Variants in COBL observed in about 807,000 individuals in gnomAD.
The protein encoded by COBL is cordon-bleu WH2 repeat protein.
In COBL, 51 loss-of-function variants were observed where a neutral mutation model predicts 98.8. The observed-to-expected ratio is 0.52, with a 90% CI of 0.41 to 0.65. COBL has a LOEUF of 0.65. Ranked by LOEUF, COBL falls within the 30% of genes least tolerant of loss-of-function variation. COBL has a pLI of 0.00. For missense variants in COBL, 1,617 were observed against 1,617.5 expected (o/e 1.00, Z 0.01); for synonymous variants, 634 against 651.7 (o/e 0.97, Z 0.41).
rs1223619437 is a variant in COBL at position 51,027,760 on chromosome 7, G to C, written c.3336C>G (p.Ala1112=). Residue 1112 remains alanine, a synonymous_variant, in exon 10 of 13, where the codon GCC becomes GCG. Transcript: ENST00000265136. Reference sequence around the variant, plus strand: ...CCGCAGAGTGGATGGCTTCCATCAGGGCAGAGTGCAGGGATGTGTCTTTTG... The same window carrying C: ...CCGCAGAGTGGATGGCTTCCATCAGCGCAGAGTGCAGGGATGTGTCTTTTG... The part of the protein sequence containing the change: ...PVPKDTSLHS[A]LMEAIHSAGG... 1 of 1,614,156 alleles carries C rather than the reference G, an allele frequency of 6.2e-7. No individual in the cohort carries two copies. The highest frequency in any genetic ancestry group is 1.3e-5 in the African/African-American group (1 of 75,046).
intron 1 of COBL, among the ~76,000 whole-genome samples, chr7:51,255,163 TAA>T (rs1470293219): frequency 2.0e-5 from 3 of 152,226 alleles, no homozygotes; most frequent in African/African-American, 7.2e-5. Context: ...CCCTTGCGTA[TAA>T]ACAAACATTT....
chr7:51,315,410 A>C lies in COBL; in HGVS notation c.41+1183T>G, dbSNP rs551825279. Among the ~76,000 whole-genome samples, 3 of 152,326 alleles carry C rather than the reference A, an allele frequency of 2.0e-5. No homozygotes were observed. The South Asian group carries it at 6.2e-4, about 32-fold the overall frequency. On this transcript the variant is annotated intron_variant, in intron 1 of 12. Transcript: ENST00000265136. Reference sequence around the variant, plus strand: ...GAGCCCGACTGAAAGTCTTTTACACACTTGGGCAACACGCCCGCCTATGGG... The same window carrying C: ...GAGCCCGACTGAAAGTCTTTTACACCCTTGGGCAACACGCCCGCCTATGGG...
chr7:51,159,103 C>G (rs930406931), intron 5 of COBL, among the ~76,000 whole-genome samples: 1 of 152,154 alleles, frequency 6.6e-6, no homozygotes, highest in African/African-American at 2.4e-5. Context: ...GCAGCGGGGG[C>G]GGCGTTGCAG....
chr7:51,158,745 T>C (rs978376662), intron 5 of COBL, among the ~76,000 whole-genome samples: 1 of 152,090 alleles, frequency 6.6e-6, no homozygotes, highest in Admixed American at 6.5e-5. Context: ...TCATTCCTAA[T>C]GAAATGAAAT....
chr7:51,221,022 C>T (rs1793591632), intron 1 of COBL, among the ~76,000 whole-genome samples: 1 of 152,144 alleles, frequency 6.6e-6, no homozygotes, highest in South Asian at 2.1e-4. Context: ...AGTACTTACT[C>T]GATACTTAAC....
In COBL at chr7:51,053,858, A is replaced by G. The variant is rs118127898; in HGVS notation, c.1097-10166T>C. On this transcript the variant is annotated intron_variant, in intron 7 of 12. Coordinates refer to ENST00000265136, the MANE Select transcript of COBL (RefSeq NM_015198.5). ...TGTCACTGTTCCTCTGCAATGCAAC[A>G]TTTTATTAGCTGTTTTAAAGAAAAA... Among the ~76,000 whole-genome samples the G allele has an allele frequency of 4.5e-3, 690 of 152,360 alleles. 1 individual carries two copies. Among genetic ancestry groups the G allele is most frequent in the Non-Finnish European group, 8.3e-3 (564 of 68,038 alleles).
At chr7:51,143,728 T>A (rs1784770524) in intron 5 of COBL, among the ~76,000 whole-genome samples, 1 of 152,372 alleles carries the variant, frequency 6.6e-6, no homozygotes, top group East Asian at 1.9e-4. Flanking sequence ...GGCTTCCCTG[T>A]AACTCCAGGT....
rs192860768 is a variant in COBL at position 51,132,437 on chromosome 7, C to A, written c.957+3721G>T. ...TGGCTAGTGCTGTTCTTACTGTTCC[C>A]ATTTTACAGAGGAAACTGAGGACTG... On this transcript the variant is annotated intron_variant, in intron 6 of 12. Coordinates refer to ENST00000265136, the MANE Select transcript of COBL (RefSeq NM_015198.5). Among the ~76,000 whole-genome samples, 354 of 152,346 alleles carry A rather than the reference C, an allele frequency of 2.3e-3. 1 individual carries two copies. The highest frequency in any genetic ancestry group is 4.2e-3 in the Non-Finnish European group (286 of 68,038).
At chr7:51,298,961 G>C (rs1410876591) in intron 1 of COBL, among the ~76,000 whole-genome samples, 2 of 152,144 alleles carry the variant, frequency 1.3e-5, no homozygotes, top group Non-Finnish European at 2.9e-5. Context: ...TCTCCACTCA[G>C]ACTCTCCCCA....
At chr7:51,201,011 C>T (rs771630553) in intron 2 of COBL, among the ~76,000 whole-genome samples, 5 of 151,938 alleles carry the variant, frequency 3.3e-5, no homozygotes, top group South Asian at 2.1e-4. Flanking sequence ...GAGGCCGAGG[C>T]GGGCAGATCA....
intron 7 of COBL, chr7:51,065,488 G>A: frequency 1.5e-6 from 1 of 676,340 alleles, no homozygotes; most frequent in Non-Finnish European, 2.7e-6. Context: ...CAGGGCAGAG[G>A]CCGAATGCAC....
In COBL at chr7:51,028,665, G is replaced by C; in HGVS notation, c.2431C>G (p.Pro811Ala). 1 of 1,612,880 alleles carries C rather than the reference G, an allele frequency of 6.2e-7. No homozygotes were observed. The highest frequency in any genetic ancestry group is 8.5e-7 in the Non-Finnish European group (1 of 1,179,326). Residue 811 changes from proline to alanine, a missense_variant, in exon 10 of 13, where the codon CCC (proline) becomes GCC (alanine). Pro to Ala is a conservative substitution (Grantham distance 27). Around this residue, in one of 3 missense-constraint regions of COBL, gnomAD observed 1,304 missense variants for 1,282.0 expected, o/e 1.02. Transcript: ENST00000265136. ...TTCTGCTGGGGCGATATTGGCTTGGGGTCTGCTTGGAGTCTGCTCTCTGGA... is the reference window on the plus strand; with the variant it reads ...TTCTGCTGGGGCGATATTGGCTTGGCGTCTGCTTGGAGTCTGCTCTCTGGA... ...QNPESRLQAD[P>A]KPISPQQKSA...
chr7:51,137,298 A>G (rs933273620), intron 5 of COBL, among the ~76,000 whole-genome samples: 2 of 152,204 alleles, frequency 1.3e-5, no homozygotes, highest in African/African-American at 4.8e-5. Flanking sequence ...TGTCAGGAGT[A>G]AGATACAAAC....
chr7:51,202,408 T>A (rs1316765745), intron 2 of COBL, among the ~76,000 whole-genome samples: 1 of 152,216 alleles, frequency 6.6e-6, no homozygotes, highest in Non-Finnish European at 1.5e-5. Flanking sequence ...TTAAATTGAT[T>A]CATTGTCAAT....
At chr7:51,214,352 G>A (rs953334458) in intron 2 of COBL, among the ~76,000 whole-genome samples, 3 of 152,088 alleles carry the variant, frequency 2.0e-5, no homozygotes, top group Non-Finnish European at 4.4e-5. Flanking sequence ...GACATGGAGA[G>A]AGGTGATGTG....
intron 2 of COBL, among the ~76,000 whole-genome samples, chr7:51,214,991 A>C (rs1415904279): frequency 6.6e-6 from 1 of 151,900 alleles, no homozygotes; most frequent in East Asian, 1.9e-4. Context: ...ATAAACCGGC[A>C]TTTTGCAAGT....
intron 5 of COBL, among the ~76,000 whole-genome samples, chr7:51,162,478 T>C (rs1786912862): frequency 6.6e-6 from 1 of 152,188 alleles, no homozygotes; most frequent in Non-Finnish European, 1.5e-5. Flanking sequence ...CCAGAGAAGA[T>C]CAAATTTCTT....
chr7:51,066,958 C>T (rs1400047540), intron 7 of COBL, among the ~76,000 whole-genome samples: 1 of 152,206 alleles, frequency 6.6e-6, no homozygotes, highest in Non-Finnish European at 1.5e-5. Context: ...ACTAACTGGC[C>T]ATATTCTCTT....
intron 7 of COBL, among the ~76,000 whole-genome samples, chr7:51,062,949 C>G (rs1326504950): frequency 6.6e-6 from 1 of 152,138 alleles, no homozygotes; most frequent in East Asian, 1.9e-4. Flanking sequence ...CCAGCAGCCC[C>G]CAAAACAGTG....
Sources: gnomAD v4.1 joint callset for allele counts (sites outside exome capture counted in the v4.1 genomes callset) on GRCh38, gnomAD v4.1.1 for gene constraint, gnomAD v4.1.1 regional missense constraint, MANE v1.5 for transcripts, NCBI Gene and HGNC (gene_info 2026-07-23, HGNC 2026-07-21) for gene names.